The following DRD2 variants were observed in gnomAD, a reference collection of about 807,000 sequenced individuals.
DRD2 encodes the protein dopamine receptor D2.
Under a neutral mutation model 38.0 loss-of-function variants are expected in DRD2, and 8 were observed. That is an observed-to-expected ratio of 0.21 (90% CI 0.12 to 0.38). The LOEUF (loss-of-function observed/expected upper bound fraction) is 0.38, where lower values mean the gene tolerates loss of function less well. DRD2 is among the 10% of genes least tolerant of loss of function. The probability of loss-of-function intolerance (pLI) is 1.00; values close to 1 mark genes in which losing one functional copy is unlikely to be tolerated. For missense variants in DRD2, 403 were observed against 607.7 expected (o/e 0.66, Z 3.54); for synonymous variants, 230 against 238.6 (o/e 0.96, Z 0.33).
chr11:113,428,137 A>C (rs991828039), intron 1 of DRD2, among the ~76,000 whole-genome samples: 17 of 152,332 alleles, frequency 1.1e-4, no homozygotes, highest in African/African-American at 4.1e-4. Context: ...GAATTTTGTC[A>C]TAGCAGCCAG....
chr11:113,416,630 T>A (rs1014368346), intron 4 of DRD2, among the ~76,000 whole-genome samples: 1 of 152,154 alleles, frequency 6.6e-6, no homozygotes, highest in African/African-American at 2.4e-5. Context: ...TTATCCCCAC[T>A]CCTCATCCAA....
chr11:113,422,276 G>A lies in DRD2; in HGVS notation c.285+2091C>T, dbSNP rs564033920. Among the ~76,000 whole-genome samples, 55 of 152,268 alleles carry A rather than the reference G, an allele frequency of 3.6e-4. No individual in the cohort carries two copies. The South Asian group carries it at 4.8e-3, about 13-fold the overall frequency. ...TGTCATCTTCATCTTTATCATCATC[G>A]CCATGGCTGACATTTACACAGTGCT... On this transcript the variant is annotated intron_variant, in intron 2 of 7. Transcript: ENST00000362072.
chr11:113,410,683 G>T lies in DRD2; in HGVS notation c.*44C>A, dbSNP rs777823444. Reference sequence around the variant, plus strand: ...GCAAGGGTGAGGCTGGCCGGCCTGGGCAGGGAGGTGGGAAGCAGGCTGCTG... The same window carrying T: ...GCAAGGGTGAGGCTGGCCGGCCTGGTCAGGGAGGTGGGAAGCAGGCTGCTG... On this transcript the variant is annotated 3_prime_UTR_variant, in exon 8 of 8. Coordinates refer to ENST00000362072, the MANE Select transcript of DRD2 (RefSeq NM_000795.4). The T allele has an allele frequency of 6.2e-7, 1 of 1,612,544 alleles. No homozygotes were observed. Among genetic ancestry groups the T allele is most frequent in the East Asian group, 2.2e-5 (1 of 44,864 alleles).
At chr11:113,419,401 C>G (rs1430483101) in intron 2 of DRD2, among the ~76,000 whole-genome samples, 1 of 152,018 alleles carries the variant, frequency 6.6e-6, no homozygotes, top group Admixed American at 6.6e-5. Context: ...AATGAAGAGT[C>G]TAGCTCCTGG....
intron 1 of DRD2, among the ~76,000 whole-genome samples, chr11:113,457,821 T>C (rs1951281311): frequency 1.3e-5 from 2 of 152,380 alleles, no homozygotes; most frequent in Middle Eastern, 3.4e-3. Flanking sequence ...AGGTAGCAGT[T>C]GCAATCAGCG....
chr11:113,443,863 G>C (rs536295153), intron 1 of DRD2, among the ~76,000 whole-genome samples: 1 of 152,078 alleles, frequency 6.6e-6, no homozygotes, highest in African/African-American at 2.4e-5. Context: ...TGAGATAACT[G>C]AAAATTCTTA....
intron 1 of DRD2, chr11:113,425,027 T>G (rs897207442): frequency 3.2e-6 from 1 of 313,680 alleles, no homozygotes; most frequent in African/African-American, 2.1e-5. Flanking sequence ...CTTCTAGTCA[T>G]CGAAACAGAA....
intron 1 of DRD2, among the ~76,000 whole-genome samples, chr11:113,425,154 A>C (rs981886214): frequency 6.6e-6 from 1 of 152,258 alleles, no homozygotes; most frequent in Non-Finnish European, 1.5e-5. Flanking sequence ...TTCTAGGAGA[A>C]ACAACAGCCA....
In DRD2 at chr11:113,421,890, G is replaced by A. The variant is rs1354416249; in HGVS notation, c.285+2477C>T. On this transcript the variant is annotated intron_variant, in intron 2 of 7. Transcript: ENST00000362072. Reference sequence around the variant, plus strand: ...GATGAGATGCTGTGGGGAAGTCTGAGCCCTGCCCTCTGAGAATGGCTTCTG... The same window carrying A: ...GATGAGATGCTGTGGGGAAGTCTGAACCCTGCCCTCTGAGAATGGCTTCTG... Among the ~76,000 whole-genome samples the A allele has an allele frequency of 2.6e-5, 4 of 152,144 alleles. 1 individual carries two copies. The highest frequency in any genetic ancestry group is 2.0e-4 in the Admixed American group (3 of 15,278).
intron 1 of DRD2, among the ~76,000 whole-genome samples, chr11:113,452,467 T>TGCGCGCGC (rs60850982): frequency 3.3e-5 from 3 of 91,084 alleles, no homozygotes; most frequent in African/African-American, 1.2e-4. Flanking sequence ...TGTGTGTGTG[T>TGCGCGCGC]GTGCGCGCGC....
chr11:113,471,396 T>C (rs1426271313), intron 1 of DRD2, among the ~76,000 whole-genome samples: 3 of 152,160 alleles, frequency 2.0e-5, no homozygotes, highest in African/African-American at 7.2e-5. Context: ...AGTGGCTCCA[T>C]GGTATATTCT....
At chr11:113,420,491 TGG>T (rs1361028412) in intron 2 of DRD2, among the ~76,000 whole-genome samples, 2 of 152,214 alleles carry the variant, frequency 1.3e-5, no homozygotes, top group Non-Finnish European at 2.9e-5. Flanking sequence ...ACATCTACTG[TGG>T]GCATTGCACT....
chr11:113,464,493 C>T (rs1951350434), intron 1 of DRD2, among the ~76,000 whole-genome samples: 1 of 152,192 alleles, frequency 6.6e-6, no homozygotes, highest in Non-Finnish European at 1.5e-5. Flanking sequence ...AGCTCACTGT[C>T]TTCAACTCCA....
chr11:113,455,673 T>C (rs187581348), intron 1 of DRD2, among the ~76,000 whole-genome samples: 1 of 152,276 alleles, frequency 6.6e-6, no homozygotes, highest in East Asian at 1.9e-4. Context: ...GGTCAACATA[T>C]ATTTTTTAAA....
intron 1 of DRD2, among the ~76,000 whole-genome samples, chr11:113,454,303 G>A (rs1283604536): frequency 3.3e-5 from 5 of 152,048 alleles, no homozygotes; most frequent in African/African-American, 4.8e-5. Flanking sequence ...AGTGAGCTGA[G>A]GTCACCCCAC....
At position 113,414,481 on chromosome 11, in the gene DRD2, A is replaced by G. The variant is rs1950802507; in HGVS notation, c.724-20T>C. 3.1e-6 allele frequency: 5 copies of G among 1,613,782 alleles called. No homozygotes were observed. The highest frequency in any genetic ancestry group is 2.7e-5 in the African/African-American group (2 of 74,906). On this transcript the variant is annotated intron_variant, in intron 5 of 7. Transcript: ENST00000362072. The stretch of plus-strand genomic sequence containing the variant: ...GTTGCCCTGTGGAGTGAGCCAGCAC[A>G]TGGGTCACACAAAGTGGTGGGGATG...
At position 113,410,693 on chromosome 11, in the gene DRD2, G is replaced by T; in HGVS notation, c.*34C>A. The T allele has an allele frequency of 1.2e-6, 2 of 1,613,456 alleles. No individual in the cohort carries two copies. The highest frequency in any genetic ancestry group is 2.2e-5 in the East Asian group (1 of 44,870). On this transcript the variant is annotated 3_prime_UTR_variant, in exon 8 of 8. Coordinates refer to ENST00000362072, the MANE Select transcript of DRD2 (RefSeq NM_000795.4). ...GGCTGGCCGGCCTGGGCAGGGAGGT[G>T]GGAAGCAGGCTGCTGTGCGGGCAGG...
At chr11:113,446,641 A>G (rs1339065614) in intron 1 of DRD2, among the ~76,000 whole-genome samples, 1 of 152,232 alleles carries the variant, frequency 6.6e-6, no homozygotes, top group Non-Finnish European at 1.5e-5. Flanking sequence ...AACATACTGC[A>G]AATGCAAGAT....
At chr11:113,413,895 G>A in intron 6 of DRD2, 1 of 253,906 alleles carries the variant, frequency 3.9e-6, no homozygotes, top group Non-Finnish European at 7.8e-6. Context: ...CCATCCATAA[G>A]GCAGCTCATG....
Sources: gnomAD v4.1 joint callset for allele counts (sites outside exome capture counted in the v4.1 genomes callset) on GRCh38, gnomAD v4.1.1 for gene constraint, MANE v1.5 for transcripts, NCBI Gene and HGNC (gene_info 2026-07-23, HGNC 2026-07-21) for gene names.